The following ADCK1 variants were observed in gnomAD, a reference collection of about 807,000 sequenced individuals.
The protein encoded by ADCK1 is aarF domain-containing protein kinase 1.
In ADCK1, 41 loss-of-function variants were observed where a neutral mutation model predicts 52.3. The ratio of observed to expected loss-of-function variants is 0.78; its 90% CI spans 0.61 to 1.02. The LOEUF (loss-of-function observed/expected upper bound fraction) is 1.02, where lower values mean the gene tolerates loss of function less well. Among genes scored for constraint, ADCK1 ranks in the 50% least tolerant of loss-of-function variants. The pLI is 0.00. For missense variants in ADCK1, 658 were observed against 679.5 expected (o/e 0.97, Z 0.35); for synonymous variants, 250 against 274.6 (o/e 0.91, Z 0.89).
At chr14:77,871,470 G>A (rs1449871133) in intron 4 of ADCK1, among the ~76,000 whole-genome samples, 2 of 152,000 alleles carry the variant, frequency 1.3e-5, no homozygotes, top group Admixed American at 6.6e-5. Context: ...CGATTGTCCC[G>A]CCTCAGCCTC....
chr14:77,822,747 G>A (rs1209985877), intron 3 of ADCK1, among the ~76,000 whole-genome samples: 1 of 152,214 alleles, frequency 6.6e-6, no homozygotes, highest in East Asian at 1.9e-4. Flanking sequence ...GAGGCTGGGG[G>A]CATTGGCCAC....
At chr14:77,870,649 A>G (rs773234870) in intron 4 of ADCK1, among the ~76,000 whole-genome samples, 2 of 152,164 alleles carry the variant, frequency 1.3e-5, no homozygotes, top group Non-Finnish European at 2.9e-5. Flanking sequence ...TCTCCCCTCA[A>G]CATCCCCCTG....
intron 5 of ADCK1, among the ~76,000 whole-genome samples, chr14:77,889,714 T>A (rs1403120753): frequency 6.6e-6 from 1 of 152,054 alleles, no homozygotes. Context: ...AGTGAAATGG[T>A]CAATGCAGCA....
At chr14:77,879,216 GA>G (rs2082966069) in intron 4 of ADCK1, among the ~76,000 whole-genome samples, 2 of 152,170 alleles carry the variant, frequency 1.3e-5, no homozygotes, top group South Asian at 4.1e-4. Flanking sequence ...CATCTGTTAG[GA>G]AATACTTACC....
chr14:77,830,861 A>G lies in ADCK1; in HGVS notation c.219+8343A>G, dbSNP rs369499226. 1.5e-4 allele frequency among the ~76,000 whole-genome samples: 23 copies of G among 152,140 alleles called. 1 individual carries two copies. Among genetic ancestry groups the G allele is most frequent in the Admixed American group, 5.9e-4 (9 of 15,268 alleles). ...GGTCTCTGGGCTTCTGTGGTATCAG[A>G]TGATTCAGGTCAGTAGTATGTGTTT... is the stretch of plus-strand genomic sequence containing the variant. On this transcript the variant is annotated intron_variant, in intron 3 of 10. Transcript: ENST00000238561.
intron 3 of ADCK1, among the ~76,000 whole-genome samples, chr14:77,835,264 A>T (rs1056771450): frequency 6.6e-6 from 1 of 152,222 alleles, no homozygotes; most frequent in Non-Finnish European, 1.5e-5. Context: ...AAGACCTAAG[A>T]CAAAGTGTAA....
chr14:77,828,581 AT>A (rs1374553185), intron 3 of ADCK1, among the ~76,000 whole-genome samples: 2 of 152,002 alleles, frequency 1.3e-5, no homozygotes, highest in Non-Finnish European at 2.9e-5. Context: ...GTTGCCCAGG[AT>A]GGAGTGCAGT....
intron 3 of ADCK1, among the ~76,000 whole-genome samples, chr14:77,838,873 T>C (rs1032976522): frequency 2.0e-5 from 3 of 152,210 alleles, no homozygotes; most frequent in African/African-American, 7.2e-5. Flanking sequence ...TTCCAGGCAC[T>C]GTGTGGGGTG....
At chr14:77,876,068 A>G (rs2082892585) in intron 4 of ADCK1, among the ~76,000 whole-genome samples, 1 of 152,178 alleles carries the variant, frequency 6.6e-6, no homozygotes, top group African/African-American at 2.4e-5. Flanking sequence ...TGAGGCTCCT[A>G]TTGGCTGCTG....
At chr14:77,850,217 C>T (rs894809052) in intron 3 of ADCK1, among the ~76,000 whole-genome samples, 1 of 152,110 alleles carries the variant, frequency 6.6e-6, no homozygotes, top group Non-Finnish European at 1.5e-5. Flanking sequence ...AAAAAACAAA[C>T]AGAAAGAATA....
intron 3 of ADCK1, among the ~76,000 whole-genome samples, chr14:77,842,456 C>CTTCA (rs2082091757): frequency 2.7e-4 from 11 of 41,456 alleles, no homozygotes; most frequent in African/African-American, 6.2e-4. Flanking sequence ...TTTTTCCTTC[C>CTTCA]TTCCTTCCTT....
chr14:77,880,727 G>A (rs1444204641), intron 4 of ADCK1, among the ~76,000 whole-genome samples: 1 of 152,180 alleles, frequency 6.6e-6, no homozygotes, highest in Admixed American at 6.5e-5. Flanking sequence ...GGAGGAAGCA[G>A]CAATGTGCAG....
chr14:77,824,496 T>G (rs1714886678), intron 3 of ADCK1, among the ~76,000 whole-genome samples: 1 of 150,226 alleles, frequency 6.7e-6, no homozygotes, highest in Non-Finnish European at 1.5e-5. Flanking sequence ...TGCAGTGGTG[T>G]GATCTTGGCT....
At chr14:77,878,470 G>A (rs761966612) in intron 4 of ADCK1, among the ~76,000 whole-genome samples, 3 of 152,216 alleles carry the variant, frequency 2.0e-5, no homozygotes, top group African/African-American at 7.2e-5. Context: ...TCAAATTCAA[G>A]GGGGAGGTGG....
intron 1 of ADCK1, among the ~76,000 whole-genome samples, chr14:77,817,881 G>A (rs913431766): frequency 4.0e-5 from 6 of 149,550 alleles, no homozygotes; most frequent in Middle Eastern, 6.8e-3. Context: ...GACTACAGGC[G>A]CCCGCCACCA....
intron 7 of ADCK1, among the ~76,000 whole-genome samples, chr14:77,915,938 G>A (rs893025123): frequency 1.4e-4 from 21 of 152,140 alleles, no homozygotes; most frequent in South Asian, 2.1e-4. Context: ...GAAACAGAAC[G>A]CTTGGTACGG....
intron 3 of ADCK1, among the ~76,000 whole-genome samples, chr14:77,841,118 C>T (rs2082057299): frequency 6.6e-6 from 1 of 152,178 alleles, no homozygotes; most frequent in Non-Finnish European, 1.5e-5. Context: ...CTCAGGCCTT[C>T]CCAAGTGCAG....
chr14:77,818,374 C>T (rs28371926), intron 1 of ADCK1, among the ~76,000 whole-genome samples: 3,369 of 152,150 alleles, frequency 0.022, 122 homozygotes, highest in African/African-American at 0.076. Context: ...CTCCTCCTCC[C>T]GGGCTCAAAC....
intron 7 of ADCK1, among the ~76,000 whole-genome samples, chr14:77,914,852 T>C (rs992727376): frequency 6.6e-6 from 1 of 152,188 alleles, no homozygotes; most frequent in Admixed American, 6.5e-5. Flanking sequence ...TCCTCTTTGC[T>C]CCCCTTCCTG....
Sources: gnomAD v4.1 joint callset for allele counts (sites outside exome capture counted in the v4.1 genomes callset) on GRCh38, gnomAD v4.1.1 for gene constraint, MANE v1.5 for transcripts, NCBI Gene and HGNC (gene_info 2026-07-23, HGNC 2026-07-21) for gene names.